Variants in SLC17A1 observed in about 807,000 individuals in gnomAD.
SLC17A1 encodes sodium-dependent phosphate transport protein 1.
In SLC17A1, 51 loss-of-function variants were observed where a neutral mutation model predicts 53.5. The ratio of observed to expected loss-of-function variants is 0.95; its 90% confidence interval spans 0.76 to 1.20. SLC17A1 has a LOEUF of 1.20. Ranked by LOEUF, SLC17A1 falls within the 50% of genes most tolerant of loss-of-function variation. SLC17A1 has a pLI of 0.00. For synonymous variants in SLC17A1, 179 were observed against 198.8 expected (o/e 0.90, Z 0.84); for missense variants, 538 against 568.2 (o/e 0.95, Z 0.54).
rs1306036144 is a variant in SLC17A1 at position 25,812,504 on chromosome 6, G to A, written c.897+327C>T. Among the ~76,000 whole-genome samples, 5 of 152,296 alleles carry A rather than the reference G, an allele frequency of 3.3e-5. 1 individual carries two copies. The East Asian group carries it at 9.6e-4, about 29-fold the overall frequency. On this transcript the variant is annotated intron_variant, in intron 8 of 12. Coordinates refer to ENST00000244527, the MANE Select transcript of SLC17A1 (RefSeq NM_005074.5). ...AGGGCCTGGCTAAGTGACTTTCATAGGAGGCCCCCAGTCCCTGCAGGGAAT... is the reference window on the plus strand; with the variant it reads ...AGGGCCTGGCTAAGTGACTTTCATAAGAGGCCCCCAGTCCCTGCAGGGAAT...
chr6:25,815,003 A>T (rs879654583), intron 6 of SLC17A1, among the ~76,000 whole-genome samples: 13,323 of 81,402 alleles, frequency 0.16, 1,028 homozygotes, highest in East Asian at 0.36. Context: ...ACACACACAC[A>T]CACACACACA....
downstream of SLC17A1, among the ~76,000 whole-genome samples, chr6:25,778,856 C>G (rs754288861): frequency 6.6e-6 from 1 of 152,104 alleles, no homozygotes; most frequent in African/African-American, 2.4e-5. Context: ...GGAGGAGGAG[C>G]GTTCCAGCCA....
At chr6:25,823,201 C>T (rs915772048) in intron 3 of SLC17A1, among the ~76,000 whole-genome samples, 1 of 152,054 alleles carries the variant, frequency 6.6e-6, no homozygotes, top group African/African-American at 2.4e-5. Context: ...CAATCATTCA[C>T]CTACTGATGG....
At chr6:25,746,495 T>C in the SLC17A1 span, among the ~76,000 whole-genome samples, 1 of 152,126 alleles carries the variant, frequency 6.6e-6, no homozygotes, top group African/African-American at 2.4e-5. Flanking sequence ...TGGGATAAAT[T>C]ATAAAAATTG....
At position 25,802,935 on chromosome 6, in the gene SLC17A1, C is replaced by CTTTTTTTTTTTT. The variant is rs34669145; in HGVS notation, c.1179-1967_1179-1956dup. On this transcript the variant is annotated intron_variant, in intron 10 of 12. Coordinates refer to ENST00000244527, the MANE Select transcript of SLC17A1 (RefSeq NM_005074.5). ...ATGACGTTTTAACGACTATCTTCTTCTTTTTTTTTTTTTTTTTTTTTTTTT... is the reference window on the plus strand; with the variant it reads ...ATGACGTTTTAACGACTATCTTCTTCTTTTTTTTTTTTTTTTTTTTTTTTTTTTTTTTTTTTT... 9.1e-4 allele frequency among the ~76,000 whole-genome samples: 42 copies of CTTTTTTTTTTTT among 46,100 alleles called. 9 individuals are homozygous for CTTTTTTTTTTTT. The highest frequency in any genetic ancestry group is 2.3e-3 in the African/African-American group (26 of 11,112). 30.2% of individuals were successfully genotyped at this position (46,100 alleles called of 152,430 possible).
At chr6:25,811,212 TAA>T (rs985053570) in intron 10 of SLC17A1, among the ~76,000 whole-genome samples, 184 bp downstream of exon 10, 33 of 152,132 alleles carry the variant, frequency 2.2e-4, no homozygotes, top group Admixed American at 5.2e-4. Context: ...TGAAAATTCC[TAA>T]GAGTAAATTT....
In SLC17A1 at chr6:25,811,735, G is replaced by C; in HGVS notation, c.933C>G (p.Ala311=). The C allele has an allele frequency of 6.2e-7, 1 of 1,613,778 alleles. No homozygotes were observed. Among genetic ancestry groups the C allele is most frequent in the Non-Finnish European group, 8.5e-7 (1 of 1,179,762 alleles). ...GFLSSLPYLF[A]WICGNLAGQL... ...GACCTGCTAGGTTACCACAGATCCA[G>C]GCAAACAAATAGGGAAGGGAAGACA... is the stretch of plus-strand genomic sequence containing the variant. The change falls in exon 9 of 13, where the codon GCC becomes GCG. Residue 311 remains alanine (A), a synonymous_variant. Coordinates refer to ENST00000244527, the MANE Select transcript of SLC17A1 (RefSeq NM_005074.5).
chr6:25,787,951 C>T (rs1054994411), intron 12 of SLC17A1, among the ~76,000 whole-genome samples: 2 of 152,184 alleles, frequency 1.3e-5, no homozygotes, highest in African/African-American at 4.8e-5. Context: ...TGCTTGGTCA[C>T]CCTGTATTCA....
chr6:25,736,151 C>G, the SLC17A1 span, among the ~76,000 whole-genome samples: 1 of 152,092 alleles, frequency 6.6e-6, no homozygotes, highest in Admixed American at 6.6e-5. Context: ...CTGTGTATCT[C>G]AGATTCCACT....
At chr6:25,817,622 A>G (rs905297405) in intron 6 of SLC17A1, among the ~76,000 whole-genome samples, 2 of 152,228 alleles carry the variant, frequency 1.3e-5, no homozygotes, top group African/African-American at 4.8e-5. Flanking sequence ...TAGAAATACA[A>G]CATAAATATT....
At chr6:25,743,749 G>A in the SLC17A1 span, among the ~76,000 whole-genome samples, 1 of 152,154 alleles carries the variant, frequency 6.6e-6, no homozygotes, top group African/African-American at 2.4e-5. Flanking sequence ...TACTGCTCCT[G>A]GCCTGGGAAA....
intron 11 of SLC17A1, among the ~76,000 whole-genome samples, chr6:25,800,432 T>C (rs1429486700): frequency 1.3e-5 from 2 of 152,144 alleles, no homozygotes; most frequent in South Asian, 2.1e-4. Context: ...GCATTTTCAG[T>C]GTCCTTAAAA....
chr6:25,741,660 G>A, the SLC17A1 span, among the ~76,000 whole-genome samples: 1 of 151,972 alleles, frequency 6.6e-6, no homozygotes, highest in Non-Finnish European at 1.5e-5. Context: ...AGGTTGCCGT[G>A]AGCCCAGATC....
At chr6:25,759,538 T>C in the SLC17A1 span, among the ~76,000 whole-genome samples, 1 of 152,246 alleles carries the variant, frequency 6.6e-6, no homozygotes, top group Non-Finnish European at 1.5e-5. Context: ...CTTTTGTTGC[T>C]ATATAATGTC....
chr6:25,809,659 G>A (rs1165198), intron 10 of SLC17A1, among the ~76,000 whole-genome samples: 8,369 of 151,778 alleles, frequency 0.055, 632 homozygotes, highest in African/African-American at 0.17. Context: ...TTATGGATAG[G>A]AAGAATTAAT....
At chr6:25,740,392 T>A in the SLC17A1 span, among the ~76,000 whole-genome samples, 3 of 151,990 alleles carry the variant, frequency 2.0e-5, no homozygotes, top group Admixed American at 6.6e-5. Flanking sequence ...CATTTTTTTT[T>A]AAATTGGGTT....
chr6:25,783,865 G>C (rs913218582), intron 12 of SLC17A1, among the ~76,000 whole-genome samples: 2 of 150,188 alleles, frequency 1.3e-5, no homozygotes, highest in East Asian at 3.9e-4. Flanking sequence ...GCTGTCATCT[G>C]TGTTAACTGG....
chr6:25,822,018 T>C (rs1764580503), intron 3 of SLC17A1, among the ~76,000 whole-genome samples: 1 of 152,152 alleles, frequency 6.6e-6, no homozygotes, highest in African/African-American at 2.4e-5. Flanking sequence ...AATAAAAGAA[T>C]ATATACTTTA....
the SLC17A1 span, among the ~76,000 whole-genome samples, chr6:25,748,131 A>C: frequency 6.6e-6 from 1 of 152,318 alleles, no homozygotes; most frequent in Non-Finnish European, 1.5e-5. Context: ...TTGTTTCATG[A>C]TGAAAAATCA....
Sources: gnomAD v4.1 joint callset for allele counts (sites outside exome capture counted in the v4.1 genomes callset) on GRCh38, gnomAD v4.1.1 for gene constraint, MANE v1.5 for transcripts, NCBI Gene and HGNC (gene_info 2026-07-23, HGNC 2026-07-21) for gene names.